ZFR: variants seen among roughly 807,000 people sequenced by gnomAD.
ZFR encodes zinc finger RNA-binding protein.
A neutral mutation model predicts 130.7 loss-of-function variants in ZFR; 19 were observed. The ratio of observed to expected loss-of-function variants is 0.15; its 90% CI spans 0.10 to 0.21. ZFR has a LOEUF of 0.21. Ranked by LOEUF, ZFR falls within the 10% of genes least tolerant of loss-of-function variation. The pLI is 1.00. For missense variants in ZFR, 872 were observed against 1,321.5 expected (o/e 0.66, Z 5.27); for synonymous variants, 466 against 456.9 (o/e 1.02, Z -0.25).
rs150661230 is a variant in ZFR at position 32,364,249 on chromosome 5, T to G, written c.2862A>C (p.Ala954=). The G allele has an allele frequency of 5.0e-6, 8 of 1,609,826 alleles. No individual in the cohort carries two copies. In the East Asian group the frequency reaches 1.6e-4, roughly 31 times the overall value. ...TCTGAGGGCTAGAAGCACTGCTGAT[T>G]GCTTTCTCTACTAGTAACTCCATAG... The part of the protein sequence containing the change: ...SWAMELLVEK[A]ISSASSPQSP... Residue 954 remains alanine, a synonymous_variant, in exon 18 of 20, where the codon GCA becomes GCC. Transcript: ENST00000265069.
intron 6 of ZFR, among the ~76,000 whole-genome samples, chr5:32,405,750 C>T (rs909405751): frequency 2.0e-5 from 3 of 152,150 alleles, no homozygotes; most frequent in Non-Finnish European, 2.9e-5. Flanking sequence ...ACCTGCCTCC[C>T]GTCACCTCCT....
At chr5:32,370,430 T>G (rs1300206818) in intron 17 of ZFR, among the ~76,000 whole-genome samples, 2 of 150,844 alleles carry the variant, frequency 1.3e-5, no homozygotes, top group Non-Finnish European at 3.0e-5. Context: ...TGAAGTGCAG[T>G]GGTGCAATCA....
chr5:32,431,477 G>C (rs1754213675), intron 2 of ZFR, among the ~76,000 whole-genome samples: 1 of 152,152 alleles, frequency 6.6e-6, no homozygotes. Context: ...AGAATGAAGT[G>C]GGAAAAATCT....
chr5:32,402,732 C>T (rs1007503687), intron 8 of ZFR, among the ~76,000 whole-genome samples: 1 of 149,808 alleles, frequency 6.7e-6, no homozygotes, highest in African/African-American at 2.5e-5. Context: ...GAGCCAAGAT[C>T]GTGCTACTGC....
intron 15 of ZFR, among the ~76,000 whole-genome samples, chr5:32,383,222 A>C (rs1228028285): frequency 6.6e-6 from 1 of 152,232 alleles, no homozygotes; most frequent in East Asian, 1.9e-4. Context: ...CTCTGCATCC[A>C]AAATCCCTCC....
chr5:32,403,214 T>C lies in ZFR; in HGVS notation c.1408A>G (p.Thr470Ala). The C allele has an allele frequency of 6.2e-7, 1 of 1,614,216 alleles. No homozygotes were observed. Among genetic ancestry groups the C allele is most frequent in the Non-Finnish European group, 8.5e-7 (1 of 1,180,026 alleles). The change falls in exon 8 of 20, where the codon ACG (threonine) becomes GCG (alanine). Residue 470 changes from threonine (T) to alanine (A), a missense_variant. This residue lies in a region of ZFR where 143 missense variants were observed against 137.9 expected (regional missense o/e 1.04). Coordinates refer to ENST00000265069, the MANE Select transcript of ZFR (RefSeq NM_016107.5). ...SVATSSMKGL[T>A]TTGNSSLNST... is the part of the protein sequence containing the mutation. ...TTAAGAGACGAGTTTCCTGTAGTCGTAAGACCCTTCATTGAAGACGTTGCA... is the reference window on the plus strand; with the variant it reads ...TTAAGAGACGAGTTTCCTGTAGTCGCAAGACCCTTCATTGAAGACGTTGCA...
chr5:32,363,325 C>G (rs1171151709), intron 19 of ZFR, among the ~76,000 whole-genome samples: 1 of 151,950 alleles, frequency 6.6e-6, no homozygotes, highest in African/African-American at 2.4e-5. Context: ...TTTTCTTTTT[C>G]ATAATTATTC....
At chr5:32,369,899 A>G (rs1288992583) in intron 17 of ZFR, among the ~76,000 whole-genome samples, 1 of 151,970 alleles carries the variant, frequency 6.6e-6, no homozygotes, top group African/African-American at 2.4e-5. Context: ...AAACATCTCC[A>G]TTACCGCAAA....
In ZFR at chr5:32,364,018, TC is replaced by T. The variant is rs1428166426; in HGVS notation, c.2974del (p.Glu992LysfsTer11). ...KGSPGLLDPCEKDPFDTLATM... is the reference protein window; with the variant it reads ...KGSPGLLDPCXKDPFDTLATM... ...TGCCAAGGTATCAAAGGGATCCTTT[TC>T]ACAAGGATCCAGAAGTCCAGGACTA... On this transcript the variant is annotated frameshift_variant, in exon 19 of 20. Coordinates refer to ENST00000265069, the MANE Select transcript of ZFR (RefSeq NM_016107.5). LOFTEE classifies it high-confidence loss of function. 6.2e-7 allele frequency: 1 copy of T among 1,613,976 alleles called. No homozygotes were observed. Among genetic ancestry groups the T allele is most frequent in the Admixed American group, 1.7e-5 (1 of 59,992 alleles).
Position 32,417,723 on chromosome 5 carries a change from G to A in ZFR, c.490C>T (p.Pro164Ser), listed in dbSNP as rs1753858611. The A allele has an allele frequency of 1.2e-6, 2 of 1,613,968 alleles. No individual in the cohort carries two copies. The highest frequency in any genetic ancestry group is 8.5e-7 in the Non-Finnish European group (1 of 1,179,868). ...AYDSKQYYQQ[P>S]TATAAAVAAA... is the part of the protein sequence containing the mutation. Reference sequence around the variant, plus strand: ...GCTACAGCAGCAGCAGTTGCTGTTGGTTGTTGGTAGTATTGCTTACTATCA... The same window carrying A: ...GCTACAGCAGCAGCAGTTGCTGTTGATTGTTGGTAGTATTGCTTACTATCA... The change falls in exon 4 of 20, where the codon CCA becomes TCA. Residue 164 changes from proline (P) to serine (S), a missense_variant. By Grantham distance (74) the Pro-to-Ser change is moderately conservative. Around this residue, in one of 7 missense-constraint regions of ZFR, gnomAD observed 240 missense variants for 441.2 expected, o/e 0.54. Coordinates refer to ENST00000265069, the MANE Select transcript of ZFR (RefSeq NM_016107.5).
chr5:32,425,299 G>A (rs1754047603), intron 2 of ZFR, among the ~76,000 whole-genome samples: 1 of 152,152 alleles, frequency 6.6e-6, no homozygotes, highest in Admixed American at 6.5e-5. Flanking sequence ...CTTTCAGGAG[G>A]TCCACACAAG....
At chr5:32,417,539 G>C (rs1273680487) in intron 4 of ZFR, 109 bp downstream of exon 4, 2 of 1,384,188 alleles carry the variant, frequency 1.4e-6, no homozygotes, top group Non-Finnish European at 2.0e-6. Flanking sequence ...TGCCTCCTAA[G>C]ATGATGTGAT....
chr5:32,444,578 G>A, intron 1 of ZFR, 44 bp downstream of exon 1: 3 of 1,456,336 alleles, frequency 2.1e-6, no homozygotes, highest in Non-Finnish European at 1.8e-6. Flanking sequence ...CCCGGGGCCA[G>A]GGAGGGGGCC....
chr5:32,369,277 G>A (rs1170244160), intron 17 of ZFR, among the ~76,000 whole-genome samples: 2 of 151,986 alleles, frequency 1.3e-5, no homozygotes, highest in East Asian at 3.9e-4. Flanking sequence ...ACTCTTTGTT[G>A]GTTCTATCAG....
At chr5:32,441,805 G>C (rs1387641355) in intron 2 of ZFR, among the ~76,000 whole-genome samples, 1 of 152,150 alleles carries the variant, frequency 6.6e-6, no homozygotes, top group African/African-American at 2.4e-5. Context: ...CATGTACTAT[G>C]TTTATATACA....
At chr5:32,444,599 C>T in intron 1 of ZFR, 23 bp downstream of exon 1, 11 of 1,480,104 alleles carry the variant, frequency 7.4e-6, no homozygotes, top group Non-Finnish European at 9.9e-6. Context: ...GGGCAGAGGC[C>T]TCGCGGGCCA....
intron 19 of ZFR, among the ~76,000 whole-genome samples, chr5:32,360,060 T>G (rs1024061670): frequency 6.6e-6 from 1 of 152,226 alleles, no homozygotes; most frequent in Non-Finnish European, 1.5e-5. Flanking sequence ...TCAAAAGATT[T>G]CTTAAAATCT....
intron 2 of ZFR, among the ~76,000 whole-genome samples, chr5:32,439,006 T>G (rs1296078622): frequency 6.6e-6 from 1 of 152,194 alleles, no homozygotes; most frequent in Non-Finnish European, 1.5e-5. Context: ...TTGTTCATAG[T>G]GTACTATAAG....
At position 32,355,815 on chromosome 5, in the gene ZFR, A is replaced by G; in HGVS notation, c.3170T>C (p.Val1057Ala). ...TTTCCCCTCAGCTTCAAATCCATCA[A>G]CTCCATCACTATCTCTTCTTCGTTT... is the stretch of plus-strand genomic sequence containing the variant. ...NRKRRRDSDGVDGFEAEGKKD... is the reference protein window; with the variant it reads ...NRKRRRDSDGADGFEAEGKKD... The change falls in exon 20 of 20, where the codon GTT becomes GCT. Residue 1057 changes from valine (V) to alanine (A), a missense_variant. Transcript: ENST00000265069. 1.2e-6 allele frequency: 2 copies of G among 1,606,626 alleles called. No homozygotes were observed. Among genetic ancestry groups the G allele is most frequent in the Non-Finnish European group, 1.7e-6 (2 of 1,177,480 alleles).
Sources: gnomAD v4.1 joint callset for allele counts (sites outside exome capture counted in the v4.1 genomes callset) on GRCh38, gnomAD v4.1.1 for gene constraint, gnomAD v4.1.1 regional missense constraint, MANE v1.5 for transcripts, NCBI Gene and HGNC (gene_info 2026-07-23, HGNC 2026-07-21) for gene names.